The following STON2 variants were observed in gnomAD, a reference collection of about 807,000 sequenced individuals.
STON2 encodes stonin-2.
STON2 carries 29 observed loss-of-function variants against 65.7 expected under a neutral mutation model. That is an observed-to-expected ratio of 0.44 (90% CI 0.33 to 0.60). The LOEUF (loss-of-function observed/expected upper bound fraction) is 0.60. Ranked by LOEUF, STON2 falls within the 20% of genes least tolerant of loss-of-function variation. The pLI, the probability that STON2 is intolerant of heterozygous loss-of-function variation, is 0.03. For missense variants in STON2, 1,054 were observed against 1,118.1 expected (o/e 0.94, Z 0.82); for synonymous variants, 404 against 414.2 (o/e 0.98, Z 0.30).
rs1409271576 is a variant in STON2, at chr14:81,422,847, C to T, written c.-199+4255G>A. On this transcript the variant is annotated intron_variant, in intron 2 of 8. Transcript: ENST00000553821. ...AGGAGTTCAAGACTAGCCTGGCCAA[C>T]ATGGTGAAACCCCGTCTCTACTAAA... Among the ~76,000 whole-genome samples the T allele has an allele frequency of 7.2e-5, 11 of 152,180 alleles. No homozygotes were observed. The East Asian group carries it at 2.1e-3, about 29-fold the overall frequency.
At position 81,334,556 on chromosome 14, in the gene STON2, C is replaced by G. The variant is rs75867315; in HGVS notation, c.572-10369G>C. ...AGGCAAGCTCTTCATATCTTTCTCT[C>G]TTTCTACTTCCAGTTCCTCTTAGCC... is the stretch of plus-strand genomic sequence containing the variant. On this transcript the variant is annotated intron_variant, in intron 4 of 7. Coordinates refer to ENST00000614646, the MANE Select transcript of STON2 (RefSeq NM_001394390.1). Among the ~76,000 whole-genome samples the G allele has an allele frequency of 9.2e-4, 140 of 152,324 alleles. 2 individuals carry two copies. The highest frequency in any genetic ancestry group is 3.2e-3 in the African/African-American group (133 of 41,566).
chr14:81,358,727 G>A (rs1244835872), intron 4 of STON2, among the ~76,000 whole-genome samples: 2 of 152,142 alleles, frequency 1.3e-5, no homozygotes, highest in East Asian at 1.9e-4. Flanking sequence ...CCAAAAGAGA[G>A]CTGGGATAGC....
chr14:81,306,635 C>CAGGG (rs1342244908), intron 5 of STON2: 3 of 152,150 alleles, frequency 2.0e-5, no homozygotes, highest in Non-Finnish European at 4.4e-5. Context: ...ATTTCACCTT[C>CAGGG]ACGGATTTCA....
intron 3 of STON2, among the ~76,000 whole-genome samples, chr14:81,381,580 C>A (rs573233317): frequency 6.8e-6 from 1 of 147,038 alleles, no homozygotes; most frequent in Non-Finnish European, 1.5e-5. Flanking sequence ...CTAGGAAATG[C>A]AATTTAAATC....
intron 5 of STON2, among the ~76,000 whole-genome samples, chr14:81,315,784 A>G (rs917231316): frequency 6.6e-6 from 1 of 152,246 alleles, no homozygotes; most frequent in African/African-American, 2.4e-5. Context: ...AGTGGTAAAC[A>G]GAGCAGACAT....
intron 2 of STON2, among the ~76,000 whole-genome samples, chr14:81,420,782 C>T (rs1901666283): frequency 6.6e-6 from 1 of 152,146 alleles, no homozygotes; most frequent in Admixed American, 6.5e-5. Flanking sequence ...ACAAAATGGT[C>T]AATAAGAGGG....
upstream of STON2, among the ~76,000 whole-genome samples, chr14:81,401,064 T>TCGCCCAA (rs1184454169): frequency 6.6e-6 from 1 of 152,190 alleles, no homozygotes; most frequent in African/African-American, 2.4e-5. Flanking sequence ...GTTAAATGAC[T>TCGCCCAA]CGCCCAACGT....
At chr14:81,407,160 C>T (rs889351597) in intron 2 of STON2, among the ~76,000 whole-genome samples, 1 of 152,086 alleles carries the variant, frequency 6.6e-6, no homozygotes, top group Non-Finnish European at 1.5e-5. Flanking sequence ...TGTGGTTGTT[C>T]GCTGCAGAAG....
chr14:81,293,387 T>C (rs375414146), intron 5 of STON2, among the ~76,000 whole-genome samples: 3 of 152,226 alleles, frequency 2.0e-5, no homozygotes, highest in East Asian at 1.9e-4. Context: ...TTGGCCAGGA[T>C]GGTCTCGATC....
intron 5 of STON2, among the ~76,000 whole-genome samples, chr14:81,307,737 A>C (rs1262896358): frequency 6.6e-6 from 1 of 152,234 alleles, no homozygotes; most frequent in African/African-American, 2.4e-5. Flanking sequence ...CTTAAGGAAC[A>C]GTAAATATAT....
intron 3 of STON2, among the ~76,000 whole-genome samples, chr14:81,393,199 T>A (rs1900159184): frequency 6.6e-6 from 1 of 152,224 alleles, no homozygotes. Context: ...GCAAATTGAC[T>A]GTCATATAAA....
At chr14:81,298,339 A>G (rs544379124) in intron 5 of STON2, among the ~76,000 whole-genome samples, 14 of 149,414 alleles carry the variant, frequency 9.4e-5, no homozygotes, top group African/African-American at 2.9e-4. Context: ...TCCACATCCT[A>G]GGGCTGTCAT....
chr14:81,328,796 A>C (rs528544392), intron 4 of STON2, among the ~76,000 whole-genome samples: 169 of 152,234 alleles, frequency 1.1e-3, no homozygotes, highest in Admixed American at 2.4e-3. Flanking sequence ...TGTCAAAAAA[A>C]GCCCGGCACC....
In STON2 at chr14:81,263,980, A is replaced by C. The variant is rs2140081979; in HGVS notation, c.*4434T>G. 1.0e-6 allele frequency: 1 copy of C among 985,410 alleles called. No homozygotes were observed. Among genetic ancestry groups the C allele is most frequent in the Non-Finnish European group, 1.2e-6 (1 of 829,932 alleles). 61.0% of individuals were successfully genotyped at this position (985,410 alleles called of 1,614,324 possible). A position where few individuals can be genotyped will look rare whatever the true frequency, so the allele number is the denominator to read the frequency against. The stretch of plus-strand genomic sequence containing the variant: ...TTACTGTGGTGACAAAATAAATGCA[A>C]AGTAACGGTCAGCGGTTAGTGCTGG... On this transcript the variant is annotated 3_prime_UTR_variant, in exon 8 of 8. Coordinates refer to ENST00000614646, the MANE Select transcript of STON2 (RefSeq NM_001394390.1).
At chr14:81,414,312 A>G (rs527249379) in intron 2 of STON2, among the ~76,000 whole-genome samples, 1 of 152,330 alleles carries the variant, frequency 6.6e-6, no homozygotes, top group African/African-American at 2.4e-5. Context: ...GGACATGATC[A>G]TCAGACAGAA....
At chr14:81,329,746 T>A (rs933772849) in intron 4 of STON2, among the ~76,000 whole-genome samples, 1 of 152,086 alleles carries the variant, frequency 6.6e-6, no homozygotes, top group South Asian at 2.1e-4. Flanking sequence ...AGCCTACCTA[T>A]GGCTTAAACC....
intron 4 of STON2, among the ~76,000 whole-genome samples, chr14:81,360,238 C>T (rs1365715797): frequency 6.6e-6 from 1 of 152,106 alleles, no homozygotes; most frequent in African/African-American, 2.4e-5. Flanking sequence ...AAGGAAACTA[C>T]AGGAAAGGAT....
At chr14:81,302,964 A>G (rs1198973972) in intron 5 of STON2, among the ~76,000 whole-genome samples, 1 of 152,220 alleles carries the variant, frequency 6.6e-6, no homozygotes, top group Admixed American at 6.5e-5. Flanking sequence ...GGCAGGAACA[A>G]GTAGAAAAAT....
At chr14:81,405,460 G>GTTTTTTTTTTTTTTT (rs376505307) in intron 2 of STON2, among the ~76,000 whole-genome samples, 7 of 63,310 alleles carry the variant, frequency 1.1e-4, no homozygotes, top group African/African-American at 3.6e-4. Flanking sequence ...AGTTACTATT[G>GTTTTTTTTTTTTTTT]TTTTTTTTTT....
Sources: allele counts gnomAD v4.1 joint callset (sites outside exome capture counted in the v4.1 genomes callset), GRCh38; gene constraint gnomAD v4.1.1; transcripts MANE v1.5; gene names NCBI Gene and HGNC (gene_info 2026-07-23, HGNC 2026-07-21).